PLEKHG6: variants seen among roughly 807,000 people sequenced by gnomAD.
The protein encoded by PLEKHG6 is pleckstrin homology and RhoGEF domain containing G6.
Under a neutral mutation model 97.5 loss-of-function variants are expected in PLEKHG6, and 91 were observed. That is an observed-to-expected ratio of 0.93 (90% CI 0.79 to 1.11). The LOEUF is 1.11. Among genes scored for constraint, PLEKHG6 ranks in the 50% most tolerant of loss-of-function variants. The pLI is 0.00. For missense variants in PLEKHG6, 1,044 were observed against 1,031.0 expected (o/e 1.01, Z -0.17); for synonymous variants, 466 against 425.5 (o/e 1.10, Z -1.17).
intron 10 of PLEKHG6, 82 bp downstream of exon 10, chr12:6,318,076 C>G (rs1419040570): frequency 1.8e-5 from 26 of 1,466,924 alleles, no homozygotes; most frequent in Non-Finnish European, 2.3e-5. Flanking sequence ...GGCCAGAACA[C>G]CCCGTACTTG....
chr12:6,310,971 G>A (rs1392056159), intron 1 of PLEKHG6, 123 bp downstream of exon 1: 1 of 152,362 alleles, frequency 6.6e-6, no homozygotes, highest in African/African-American at 2.4e-5. Flanking sequence ...GCCGGGGGCT[G>A]GGCTGAGACA....
At position 6,327,240 on chromosome 12, in the gene PLEKHG6, G is replaced by A. The variant is rs375316651; in HGVS notation, c.1671-14G>A. 28 of 1,532,010 alleles carry A rather than the reference G, an allele frequency of 1.8e-5. No homozygotes were observed. The South Asian group carries it at 2.9e-4, about 16-fold the overall frequency. 94.9% of individuals were successfully genotyped at this position (1,532,010 alleles called of 1,614,324 possible). A position where few individuals can be genotyped will look rare whatever the true frequency, so the allele number is the denominator to read the frequency against. On this transcript the variant is annotated splice_polypyrimidine_tract_variant and intron_variant, in intron 14 of 15. Transcript: ENST00000684764. ...TTGACCCCTACGCATCTGACTCTTT[G>A]CCATTAACTGTAGGACTCCTGAGTT... is the stretch of plus-strand genomic sequence containing the variant.
In PLEKHG6 at chr12:6,316,032, T is replaced by G. The variant is rs1947446065; in HGVS notation, c.606+113T>G. 17 of 1,048,280 alleles carry G rather than the reference T, an allele frequency of 1.6e-5. No individual in the cohort carries two copies. Among genetic ancestry groups the G allele is most frequent in the Non-Finnish European group, 2.4e-5 (17 of 722,550 alleles). The allele number at this position is 1,048,280 out of a possible 1,614,324, so 64.9% of individuals were successfully genotyped here. On this transcript the variant is annotated intron_variant, in intron 6 of 15. Transcript: ENST00000684764. The surrounding 1 kb of genome is among the most constrained non-coding windows in gnomAD (Gnocchi z 4.1). ...ATTCCCACTGCCCCGTTTTTTGGGATGCCTTGCCCTCCCTACTTCCCTGTT... is the reference window on the plus strand; with the variant it reads ...ATTCCCACTGCCCCGTTTTTTGGGAGGCCTTGCCCTCCCTACTTCCCTGTT...
intron 2 of PLEKHG6, 29 bp downstream of exon 2, chr12:6,312,393 C>T (rs748887412): frequency 9.6e-6 from 15 of 1,556,402 alleles, no homozygotes; most frequent in Admixed American, 2.1e-5. Flanking sequence ...CCAAAAGTGA[C>T]CTGGTGGGGC....
chr12:6,327,775 G>A lies in PLEKHG6; in HGVS notation c.2192G>A (p.Arg731His), dbSNP rs141375062. The change falls in exon 15 of 16, where the codon CGC (arginine) becomes CAC (histidine). Residue 731 changes from arginine (R) to histidine (H), a missense_variant. By Grantham distance (29) the Arg-to-His change is conservative. Transcript: ENST00000684764. ...CTGAAAGCTGGCCACACATCCCTGC[G>A]CCCAATGCGGGCTGAGGACATGCTC... ...LFLKAGHTSLRPMRAEDMLRE... is the reference protein window; with the variant it reads ...LFLKAGHTSLHPMRAEDMLRE... 54 of 1,531,790 alleles carry A rather than the reference G, an allele frequency of 3.5e-5. No individual in the cohort carries two copies. The highest frequency in any genetic ancestry group is 4.3e-5 in the Admixed American group (2 of 46,166). 94.9% of individuals were successfully genotyped at this position (1,531,790 alleles called of 1,614,324 possible). A position where few individuals can be genotyped will look rare whatever the true frequency, so the allele number is the denominator to read the frequency against.
At chr12:6,310,871 G>A (rs551393046) in intron 1 of PLEKHG6, 23 bp downstream of exon 1, 13,019 of 152,630 alleles carry the variant, frequency 0.085, 624 homozygotes, top group Admixed American at 0.17. Context: ...AGGGCTACGC[G>A]GCCCGGGGGC....
At chr12:6,325,755 G>C (rs1171421656) in intron 13 of PLEKHG6, among the ~76,000 whole-genome samples, 1 of 152,126 alleles carries the variant, frequency 6.6e-6, no homozygotes, top group Non-Finnish European at 1.5e-5. Context: ...CTGAAGGAGG[G>C]GGAAGACCTG....
intron 2 of PLEKHG6, among the ~76,000 whole-genome samples, chr12:6,313,347 T>C (rs1334152986): frequency 1.3e-5 from 2 of 152,166 alleles, no homozygotes; most frequent in Non-Finnish European, 2.9e-5. Context: ...GGCATGTGTG[T>C]GCTGTGCACC....
At position 6,317,549 on chromosome 12, in the gene PLEKHG6, G is replaced by A. The variant is rs765715366; in HGVS notation, c.870G>A (p.Trp290Ter). ...AGCCCCACCCACCTTCCCTGCAGTGGTGTGAGAAGCACAAGCGCTCTGGGA... is the reference window on the plus strand; with the variant it reads ...AGCCCCACCCACCTTCCCTGCAGTGATGTGAGAAGCACAAGCGCTCTGGGA... ...TNPLFHAFVQWCEKHKRSGRQ... is the reference protein window; with the variant it reads ...TNPLFHAFVQ Residue 290 changes from tryptophan to a stop codon, truncating the protein, a stop_gained and splice_region_variant, in exon 9 of 16, where the codon TGG becomes TGA. Transcript: ENST00000684764. LOFTEE classifies it high-confidence loss of function. The A allele has an allele frequency of 6.2e-7, 1 of 1,613,596 alleles. No individual in the cohort carries two copies. Among genetic ancestry groups the A allele is most frequent in the Non-Finnish European group, 8.5e-7 (1 of 1,179,872 alleles).
intron 11 of PLEKHG6, 83 bp downstream of exon 11, chr12:6,318,503 G>C: frequency 1.3e-6 from 2 of 1,486,422 alleles, no homozygotes; most frequent in Non-Finnish European, 9.1e-7. Context: ...TGGGAGAAGA[G>C]GGGTTTGGGG....
intron 10 of PLEKHG6, 114 bp from the exon 11 acceptor site, chr12:6,318,187 A>T: frequency 6.5e-7 from 1 of 1,536,562 alleles, no homozygotes; most frequent in South Asian, 1.2e-5. Flanking sequence ...TCTCTAGCCC[A>T]TGGGGGAAGG....
chr12:6,315,116 G>A lies in PLEKHG6; in HGVS notation c.406G>A (p.Asp136Asn), dbSNP rs201238168. 87 of 1,612,834 alleles carry A rather than the reference G, an allele frequency of 5.4e-5. No individual in the cohort carries two copies. The East Asian group carries it at 5.8e-4, about 11-fold the overall frequency. Residue 136 changes from aspartate (D) to asparagine (N), a missense_variant, in exon 4 of 16, where the codon GAC (aspartate) becomes AAC (asparagine). Transcript: ENST00000684764. This position sits in a 1 kb window ranked among gnomAD's most constrained non-coding sequence, Gnocchi z 4.5. ...RRHWEIGEGG[D>N]SGLTIEKSWR... ...GCACTGGGAGATAGGAGAGGGTGGCGACAGTGGCCTGACCATCGAGAAGTC... is the reference window on the plus strand; with the variant it reads ...GCACTGGGAGATAGGAGAGGGTGGCAACAGTGGCCTGACCATCGAGAAGTC...
Position 6,318,360 on chromosome 12 carries a change from G to A in PLEKHG6, c.1215G>A (p.Glu405=). ...CCCCCATGCTGGGGGTTGCATCTGA[G>A]CACACCAGACAGCTGCTGCTGGAGG... ...LTSPMLGVAS[E]HTRQLLLEGP... The change falls in exon 11 of 16, where the codon GAG becomes GAA. Residue 405 remains glutamate, a synonymous_variant. Transcript: ENST00000684764. The A allele has an allele frequency of 6.2e-7, 1 of 1,613,992 alleles. No homozygotes were observed. The highest frequency in any genetic ancestry group is 8.5e-7 in the Non-Finnish European group (1 of 1,179,966).
intron 13 of PLEKHG6, among the ~76,000 whole-genome samples, chr12:6,323,744 C>T (rs1215015927): frequency 1.3e-5 from 2 of 152,188 alleles, no homozygotes; most frequent in Non-Finnish European, 2.9e-5. Context: ...TTGCAGTGCA[C>T]GCAGGACAGA....
At position 6,317,743 on chromosome 12, in the gene PLEKHG6, A is replaced by AG. The variant is rs547945679; in HGVS notation, c.1017+53dup. ...GGACTCTGGTGAATCGGGGACTGGGAGGGGGGTCTCTTTCTTAGTGTGTCT... is the reference window on the plus strand; with the variant it reads ...GGACTCTGGTGAATCGGGGACTGGGAGGGGGGGTCTCTTTCTTAGTGTGTCT... On this transcript the variant is annotated intron_variant, in intron 9 of 15. Coordinates refer to ENST00000684764, the MANE Select transcript of PLEKHG6 (RefSeq NM_001384598.1). 67 of 1,603,076 alleles carry AG rather than the reference A, an allele frequency of 4.2e-5. No homozygotes were observed. In the East Asian group the frequency reaches 5.8e-4, roughly 14 times the overall value.
At chr12:6,312,743 T>A in intron 2 of PLEKHG6, 1 of 1,165,394 alleles carries the variant, frequency 8.6e-7, no homozygotes, top group Non-Finnish European at 1.1e-6. Flanking sequence ...TGAGTCAGGA[T>A]GAAGATGAGC....
At chr12:6,312,625 T>C in intron 2 of PLEKHG6, 3 of 1,276,808 alleles carry the variant, frequency 2.3e-6, no homozygotes, top group Non-Finnish European at 3.0e-6. Context: ...TAGACAGGTC[T>C]CAGACAAAGA....
At position 6,319,503 on chromosome 12, in the gene PLEKHG6, C is replaced by T. The variant is rs189267154; in HGVS notation, c.1524+395C>T. On this transcript the variant is annotated intron_variant, in intron 13 of 15. Transcript: ENST00000684764. The stretch of plus-strand genomic sequence containing the variant: ...AGGAAGGAACGAATGAACATGGGAG[C>T]GCAGAGGGGAGGAGGAGAGAGGCTG... 241 of 1,479,628 alleles carry T rather than the reference C, an allele frequency of 1.6e-4. 1 individual carries two copies. The East Asian group carries it at 4.6e-3, about 28-fold the overall frequency. 91.7% of individuals were successfully genotyped at this position (1,479,628 alleles called of 1,614,324 possible).
chr12:6,325,914 AG>A (rs1276388146), intron 13 of PLEKHG6, among the ~76,000 whole-genome samples: 1 of 152,226 alleles, frequency 6.6e-6, no homozygotes, highest in Non-Finnish European at 1.5e-5. Context: ...TATGGTAAGA[AG>A]TACCCCCTCA....
Sources: allele counts gnomAD v4.1 joint callset (sites outside exome capture counted in the v4.1 genomes callset), GRCh38; gene constraint gnomAD v4.1.1; non-coding constraint Gnocchi (gnomAD v3.1); transcripts MANE v1.5; gene names NCBI Gene and HGNC (gene_info 2026-07-23, HGNC 2026-07-21).